The following ROBO2 variants were observed in gnomAD, a reference collection of about 807,000 sequenced individuals.
ROBO2 encodes roundabout guidance receptor 2.
A neutral mutation model predicts 160.8 loss-of-function variants in ROBO2; 53 were observed. The ratio of observed to expected loss-of-function variants is 0.33; its 90% CI spans 0.26 to 0.41. The LOEUF (loss-of-function observed/expected upper bound fraction) is 0.41, where lower values mean the gene tolerates loss of function less well. ROBO2 is among the 10% of genes least tolerant of loss of function. ROBO2 has a pLI of 1.00. For missense variants in ROBO2, 1,577 were observed against 1,722.4 expected, an observed-to-expected ratio of 0.92 and a Z score of 1.49; for synonymous variants, 664 against 611.7, an observed-to-expected ratio of 1.09 and a Z score of -1.26.
intron 3 of ROBO2, among the ~76,000 whole-genome samples, chr3:77,478,125 G>A (rs1390676692): frequency 6.6e-6 from 1 of 151,976 alleles, no homozygotes; most frequent in African/African-American, 2.4e-5. Flanking sequence ...ACACCCAGCT[G>A]ATGTTTTAGC....
intron 2 of ROBO2, among the ~76,000 whole-genome samples, chr3:76,274,752 G>A (rs1350460215): frequency 6.6e-6 from 1 of 151,462 alleles, no homozygotes; most frequent in African/African-American, 2.4e-5. Context: ...GCAAGAGAAT[G>A]GCTTGAACCC....
At chr3:76,422,246 C>CT (rs2076026913) in intron 2 of ROBO2, among the ~76,000 whole-genome samples, 1 of 152,182 alleles carries the variant, frequency 6.6e-6, no homozygotes, top group African/African-American at 2.4e-5. Flanking sequence ...GTGGTCCCCA[C>CT]TGCCCACTCT....
intron 4 of ROBO2, among the ~76,000 whole-genome samples, chr3:77,486,031 G>A (rs775634374): frequency 1.2e-4 from 19 of 152,180 alleles, no homozygotes; most frequent in Non-Finnish European, 2.5e-4. Flanking sequence ...AACACGCAGT[G>A]TTTGGTTTTC....
At chr3:76,590,312 T>C (rs947199217) in intron 2 of ROBO2, among the ~76,000 whole-genome samples, 1 of 152,166 alleles carries the variant, frequency 6.6e-6, no homozygotes, top group Non-Finnish European at 1.5e-5. Flanking sequence ...TAACACTTTG[T>C]TGATATTAAA....
intron 21 of ROBO2, among the ~76,000 whole-genome samples, chr3:77,611,138 A>G (rs1250396109): frequency 6.6e-6 from 1 of 152,022 alleles, no homozygotes; most frequent in East Asian, 1.9e-4. Context: ...CTCTACTAAA[A>G]ATACAAAAAA....
chr3:77,409,686 G>A (rs185436680), intron 2 of ROBO2, among the ~76,000 whole-genome samples: 79 of 152,236 alleles, frequency 5.2e-4, no homozygotes, highest in African/African-American at 1.8e-3. Context: ...GGACTGGACC[G>A]TGGGTAAGCA....
intron 2 of ROBO2, among the ~76,000 whole-genome samples, chr3:76,470,375 G>T (rs2107035079): frequency 6.6e-6 from 1 of 152,160 alleles, no homozygotes. Flanking sequence ...TCTTGCTTGG[G>T]GTCCTTTACA....
intron 2 of ROBO2, among the ~76,000 whole-genome samples, chr3:76,100,925 A>C (rs1485203562): frequency 2.7e-4 from 41 of 152,202 alleles, no homozygotes; most frequent in Admixed American, 2.7e-3. Flanking sequence ...AATTGTGAGC[A>C]AAGCGGGCAT....
At chr3:77,116,642 A>G (rs1431028231) in intron 2 of ROBO2, among the ~76,000 whole-genome samples, 1 of 152,178 alleles carries the variant, frequency 6.6e-6, no homozygotes, top group Admixed American at 6.5e-5. Flanking sequence ...TGCTTTTCTA[A>G]TATGATTTCC....
chr3:77,140,735 AT>A (rs2076636464), intron 2 of ROBO2, among the ~76,000 whole-genome samples: 1 of 152,210 alleles, frequency 6.6e-6, no homozygotes, highest in African/African-American at 2.4e-5. Context: ...CAGGGTCCCA[AT>A]TTAATATCTA....
At chr3:77,034,734 T>C (rs1171884763) in intron 2 of ROBO2, among the ~76,000 whole-genome samples, 1 of 151,992 alleles carries the variant, frequency 6.6e-6, no homozygotes, top group African/African-American at 2.4e-5. Flanking sequence ...AATCTCTTCT[T>C]TTTATGAACA....
chr3:76,954,998 A>T (rs1052855252), intron 2 of ROBO2, among the ~76,000 whole-genome samples: 1 of 152,144 alleles, frequency 6.6e-6, no homozygotes, highest in Non-Finnish European at 1.5e-5. Flanking sequence ...ATGGGCAGAA[A>T]CTTTACCCAT....
intron 7 of ROBO2, among the ~76,000 whole-genome samples, chr3:77,548,919 A>AG (rs1486007065): frequency 6.6e-6 from 1 of 152,014 alleles, no homozygotes. Context: ...TTGGGAAAAA[A>AG]TAAGTCGGTC....
chr3:77,103,012 T>C (rs1026194340), intron 2 of ROBO2, among the ~76,000 whole-genome samples: 2 of 152,168 alleles, frequency 1.3e-5, no homozygotes, highest in African/African-American at 2.4e-5. Context: ...AGTTTTCCAA[T>C]GGGACCACCA....
intron 2 of ROBO2, among the ~76,000 whole-genome samples, chr3:76,005,485 A>G (rs1277383785): frequency 1.3e-5 from 2 of 152,232 alleles, no homozygotes; most frequent in Non-Finnish European, 2.9e-5. Context: ...GCAGCCATTT[A>G]TTTTGTATAA....
At chr3:76,454,163 C>G (rs1406307311) in intron 2 of ROBO2, among the ~76,000 whole-genome samples, 2 of 152,100 alleles carry the variant, frequency 1.3e-5, no homozygotes, top group Non-Finnish European at 2.9e-5. Context: ...TGGATCAAAT[C>G]CTGGGAATCC....
chr3:76,816,373 A>C (rs2065667075), intron 2 of ROBO2, among the ~76,000 whole-genome samples: 1 of 152,096 alleles, frequency 6.6e-6, no homozygotes, highest in African/African-American at 2.4e-5. Flanking sequence ...GCCATGCGGT[A>C]TTCGATAGGA....
intron 2 of ROBO2, among the ~76,000 whole-genome samples, chr3:76,978,153 T>C (rs914228746): frequency 1.3e-5 from 2 of 152,168 alleles, no homozygotes; most frequent in Admixed American, 6.6e-5. Context: ...AGTAAAGCAA[T>C]TGAAAATGCA....
intron 2 of ROBO2, among the ~76,000 whole-genome samples, chr3:76,386,815 T>G (rs1259855114): frequency 1.3e-5 from 2 of 152,178 alleles, no homozygotes; most frequent in African/African-American, 4.8e-5. Context: ...GACATACATA[T>G]GCTAGGAGCT....
Sources: allele counts gnomAD v4.1 joint callset (sites outside exome capture counted in the v4.1 genomes callset), GRCh38; gene constraint gnomAD v4.1.1; transcripts MANE v1.5; gene names NCBI Gene and HGNC (gene_info 2026-07-23, HGNC 2026-07-21).